KIAA1549L: variants seen among roughly 807,000 people sequenced by gnomAD.
KIAA1549L encodes the protein KIAA1549 like.
Under a neutral mutation model 160.7 loss-of-function variants are expected in KIAA1549L, and 88 were observed. The observed-to-expected ratio is 0.55, with a 90% CI of 0.46 to 0.65. The LOEUF (loss-of-function observed/expected upper bound fraction) is 0.65. KIAA1549L is among the 30% of genes least tolerant of loss of function. The pLI is 0.00. For missense variants in KIAA1549L, 2,258 were observed against 2,437.5 expected (o/e 0.93, Z 1.55); for synonymous variants, 950 against 976.7 (o/e 0.97, Z 0.51).
chr11:33,647,104 G>T (rs1394503976), intron 17 of KIAA1549L, among the ~76,000 whole-genome samples: 3 of 152,154 alleles, frequency 2.0e-5, no homozygotes, highest in Non-Finnish European at 2.9e-5. Context: ...TTAATCATGG[G>T]TTGGACATGG....
chr11:33,395,160 C>T (rs1482559553), intron 1 of KIAA1549L, among the ~76,000 whole-genome samples: 1 of 152,234 alleles, frequency 6.6e-6, no homozygotes, highest in African/African-American at 2.4e-5. Context: ...AGGTTCAAAT[C>T]ACTATAATGT....
chr11:33,561,931 A>C (rs1854872548), intron 8 of KIAA1549L, among the ~76,000 whole-genome samples, 196 bp downstream of exon 8: 1 of 152,222 alleles, frequency 6.6e-6, no homozygotes, highest in African/African-American at 2.4e-5. Flanking sequence ...GATGAATATT[A>C]GCTAAACAAT....
intron 20 of KIAA1549L, among the ~76,000 whole-genome samples, chr11:33,663,403 A>G (rs1378739216): frequency 1.3e-5 from 2 of 152,326 alleles, no homozygotes; most frequent in South Asian, 2.1e-4. Context: ...CAGGAAGGGC[A>G]TGATGGCTCC....
rs1485311153 is a variant in KIAA1549L at position 33,614,637 on chromosome 11, G to A, written c.5280-3896G>A. Among the ~76,000 whole-genome samples the A allele has an allele frequency of 1.8e-5, 2 of 113,608 alleles. 1 individual carries two copies. Among genetic ancestry groups the A allele is most frequent in the Admixed American group, 2.1e-4 (2 of 9,692 alleles). 74.5% of individuals were successfully genotyped at this position (113,608 alleles called of 152,430 possible). ...TTTTGGTGTAGGGGCTGGGGGAGAT[G>A]GAGTCTCCCTCTGTTGCCAGGCTGG... On this transcript the variant is annotated intron_variant, in intron 15 of 20. Coordinates refer to ENST00000658780, the MANE Select transcript of KIAA1549L (RefSeq NM_012194.3).
At chr11:33,479,015 T>C (rs1309744872) in intron 1 of KIAA1549L, among the ~76,000 whole-genome samples, 1 of 152,240 alleles carries the variant, frequency 6.6e-6, no homozygotes, top group Non-Finnish European at 1.5e-5. Flanking sequence ...AGTTAGTAAA[T>C]GGTAGAGCCA....
intron 1 of KIAA1549L, among the ~76,000 whole-genome samples, chr11:33,502,179 T>G (rs565392461): frequency 6.6e-6 from 1 of 152,200 alleles, no homozygotes; most frequent in Non-Finnish European, 1.5e-5. Context: ...GTGATTCTGT[T>G]GCAGAGGCCT....
At chr11:33,485,501 G>T (rs1275782245) in intron 1 of KIAA1549L, among the ~76,000 whole-genome samples, 1 of 151,758 alleles carries the variant, frequency 6.6e-6, no homozygotes, top group East Asian at 1.9e-4. Flanking sequence ...ATTGGCAAAG[G>T]TCAATTAAAG....
At position 33,609,730 on chromosome 11, in the gene KIAA1549L, A is replaced by C. The variant is rs748190968; in HGVS notation, c.5062-19A>C. The C allele has an allele frequency of 3.8e-6, 6 of 1,584,450 alleles. No individual in the cohort carries two copies. Among genetic ancestry groups the C allele is most frequent in the Non-Finnish European group, 5.2e-6 (6 of 1,164,894 alleles). On this transcript the variant is annotated intron_variant, in intron 14 of 20. Coordinates refer to ENST00000658780, the MANE Select transcript of KIAA1549L (RefSeq NM_012194.3). ...CCCCACTGGGTCAGGTTTGGGCCTGAGACTGCCTCTCTCCCCAGGTGAACA... is the reference window on the plus strand; with the variant it reads ...CCCCACTGGGTCAGGTTTGGGCCTGCGACTGCCTCTCTCCCCAGGTGAACA...
intron 1 of KIAA1549L, among the ~76,000 whole-genome samples, chr11:33,429,666 G>A (rs1851191031): frequency 6.6e-6 from 1 of 151,942 alleles, no homozygotes; most frequent in African/African-American, 2.4e-5. Context: ...CCTTCCTCAG[G>A]GTTCAGCCTA....
chr11:33,496,392 G>T (rs1179205409), intron 1 of KIAA1549L, among the ~76,000 whole-genome samples: 22 of 151,762 alleles, frequency 1.4e-4, no homozygotes, highest in Non-Finnish European at 1.5e-5. Context: ...GTCACTGGAG[G>T]GGTCGTCAGC....
intron 1 of KIAA1549L, among the ~76,000 whole-genome samples, chr11:33,453,638 C>T (rs1400981860): frequency 2.6e-5 from 4 of 152,116 alleles, no homozygotes; most frequent in East Asian, 1.9e-4. Flanking sequence ...CAAGAGTTGT[C>T]GGGGTGATAG....
At chr11:33,416,799 ATGCCTATGGC>A (rs1850898101) in intron 1 of KIAA1549L, among the ~76,000 whole-genome samples, 1 of 152,242 alleles carries the variant, frequency 6.6e-6, no homozygotes. Flanking sequence ...TTACCAGCAC[ATGCCTATGGC>A]TGGTAGGACT....
rs149953644 is a variant in KIAA1549L, at chr11:33,542,676, C to G, written c.1113C>G (p.Ser371Arg). 1.4e-4 allele frequency: 226 copies of G among 1,613,838 alleles called. 1 individual carries two copies. The African/African-American group carries it at 2.7e-3, about 19-fold the overall frequency. ...LGSLLQLPDG[S>R]PSWSMLEVAS... is the part of the protein sequence containing the mutation. ...GTCTTCTTCAGCTTCCAGATGGAAG[C>G]CCCTCATGGTCAATGTTGGAAGTGG... The change falls in exon 2 of 21, where the codon AGC (serine) becomes AGG (arginine). Residue 371 changes from serine to arginine, a missense_variant. Ser to Arg is a moderately radical substitution (Grantham distance 110, BLOSUM62 -1). Around this residue, in one of 6 missense-constraint regions of KIAA1549L, gnomAD observed 540 missense variants for 465.7 expected, o/e 1.16. Transcript: ENST00000658780.
Position 33,471,601 on chromosome 11 carries a change from A to T in KIAA1549L, c.239-70201A>T, listed in dbSNP as rs530535330. The stretch of plus-strand genomic sequence containing the variant: ...TCTCATTCAGGTTTTGAAGAAAACA[A>T]CTTCTAGCCTAATGAGCTCATCAGA... On this transcript the variant is annotated intron_variant, in intron 1 of 20. Coordinates refer to ENST00000658780, the MANE Select transcript of KIAA1549L (RefSeq NM_012194.3). Among the ~76,000 whole-genome samples the T allele has an allele frequency of 3.9e-5, 6 of 152,338 alleles. No homozygotes were observed. In the East Asian group the frequency reaches 9.6e-4, roughly 24 times the overall value.
rs4485079 is a variant in KIAA1549L, at chr11:33,630,300, G to A, written c.5409+11638G>A. 5.3e-3 allele frequency among the ~76,000 whole-genome samples: 811 copies of A among 152,384 alleles called. 11 individuals carry two copies. The highest frequency in any genetic ancestry group is 0.018 in the African/African-American group (738 of 41,592). ...AGGCAGGCCTCCTTGAGCTGTGGTG[G>A]GCTCCACCCAGTTCGAGCTTCCCGG... is the stretch of plus-strand genomic sequence containing the variant. On this transcript the variant is annotated intron_variant, in intron 16 of 20. Transcript: ENST00000658780.
chr11:33,620,548 A>G (rs939146923), intron 16 of KIAA1549L, among the ~76,000 whole-genome samples: 1 of 152,158 alleles, frequency 6.6e-6, no homozygotes, highest in African/African-American at 2.4e-5. Context: ...TAGTCTTTTC[A>G]TGTGTATTAT....
intron 8 of KIAA1549L, among the ~76,000 whole-genome samples, chr11:33,567,279 C>G (rs773373003): frequency 7.2e-5 from 11 of 152,318 alleles, no homozygotes; most frequent in Admixed American, 2.6e-4. Context: ...CATATCCTGT[C>G]TCATTTAAAC....
chr11:33,478,303 TG>T (rs2133042057), intron 1 of KIAA1549L, among the ~76,000 whole-genome samples: 1 of 152,338 alleles, frequency 6.6e-6, no homozygotes, highest in East Asian at 1.9e-4. Flanking sequence ...CTGACAAGCA[TG>T]CCTGGCTTTG....
intron 1 of KIAA1549L, among the ~76,000 whole-genome samples, chr11:33,479,620 A>G (rs1852366390): frequency 6.6e-6 from 1 of 152,182 alleles, no homozygotes; most frequent in African/African-American, 2.4e-5. Context: ...ATCGGAGAAT[A>G]AGAGAAGGCT....
Sources: allele counts gnomAD v4.1 joint callset (sites outside exome capture counted in the v4.1 genomes callset), GRCh38; gene constraint gnomAD v4.1.1; regional missense constraint gnomAD v4.1.1; transcripts MANE v1.5; gene names NCBI Gene and HGNC (gene_info 2026-07-23, HGNC 2026-07-21).